Variants in MAML2 observed in about 807,000 individuals in gnomAD.
The protein encoded by MAML2 is mastermind-like protein 2.
A neutral mutation model predicts 96.1 loss-of-function variants in MAML2; 22 were observed. The ratio of observed to expected loss-of-function variants is 0.23; its 90% CI spans 0.16 to 0.33. The LOEUF is 0.33. Ranked by LOEUF, MAML2 falls within the 10% of genes least tolerant of loss-of-function variation. MAML2 has a pLI of 1.00. For missense variants in MAML2, 1,367 were observed against 1,392.4 expected, an observed-to-expected ratio of 0.98 and a Z score of 0.29; for synonymous variants, 561 against 521.3, an observed-to-expected ratio of 1.08 and a Z score of -1.04.
chr11:96,049,743 A>C (rs149360290), intron 2 of MAML2, among the ~76,000 whole-genome samples: 141 of 152,348 alleles, frequency 9.3e-4, no homozygotes, highest in African/African-American at 3.1e-3. Context: ...AGAAACTACT[A>C]TTATCATCCA....
intron 2 of MAML2, among the ~76,000 whole-genome samples, chr11:96,034,239 A>G (rs1451884523): frequency 6.6e-6 from 1 of 152,230 alleles, no homozygotes; most frequent in Non-Finnish European, 1.5e-5. Context: ...TCTCATAAAG[A>G]TATATAATAA....
intron 1 of MAML2, among the ~76,000 whole-genome samples, chr11:96,323,398 A>G (rs1863733943): frequency 6.6e-6 from 1 of 151,750 alleles, no homozygotes; most frequent in African/African-American, 2.4e-5. Context: ...TAGAATTTCC[A>G]TGTAAGAGGT....
chr11:96,274,336 C>T lies in MAML2; in HGVS notation c.513+67047G>A, dbSNP rs1862957849. ...TGACCTTGTGATCGGCCCACCTCGG[C>T]CTTCCAAAGTACTGGGAATACAGGC... On this transcript the variant is annotated intron_variant, in intron 1 of 4. Transcript: ENST00000524717. Among the ~76,000 whole-genome samples the T allele has an allele frequency of 1.3e-5, 2 of 152,112 alleles. 1 individual carries two copies. The highest frequency in any genetic ancestry group is 4.1e-4 in the South Asian group (2 of 4,830).
intron 2 of MAML2, among the ~76,000 whole-genome samples, chr11:96,033,940 C>G (rs558797879): frequency 2.6e-5 from 4 of 152,158 alleles, no homozygotes; most frequent in Non-Finnish European, 5.9e-5. Flanking sequence ...ATGAAGGCTT[C>G]ATTTGTTAGG....
Position 96,342,055 on chromosome 11 carries a change from G to C in MAML2, c.-160C>G, listed in dbSNP as rs1450180079. 3.1e-6 allele frequency: 2 copies of C among 652,862 alleles called. No homozygotes were observed. Among genetic ancestry groups the C allele is most frequent in the African/African-American group, 3.6e-5 (2 of 55,020 alleles). The allele number at this position is 652,862 out of a possible 1,614,324, so 40.4% of individuals were successfully genotyped here. On this transcript the variant is annotated 5_prime_UTR_variant, in exon 1 of 5. Coordinates refer to ENST00000524717, the MANE Select transcript of MAML2 (RefSeq NM_032427.4). The stretch of plus-strand genomic sequence containing the variant: ...TGTGGGGGAGCCGTGGAGAAGTTGT[G>C]GGGGAGGGGAGTTAGTAAAAAGAGG...
intron 1 of MAML2, among the ~76,000 whole-genome samples, chr11:96,148,238 C>T (rs1487632846): frequency 6.6e-6 from 1 of 152,090 alleles, no homozygotes; most frequent in Non-Finnish European, 1.5e-5. Context: ...GTCTGCCTGT[C>T]TCCCGTGGAC....
chr11:96,039,038 C>T lies in MAML2; in HGVS notation c.2140-47315G>A, dbSNP rs117695755. Among the ~76,000 whole-genome samples the T allele has an allele frequency of 3.9e-3, 594 of 152,246 alleles. 1 individual carries two copies. Among genetic ancestry groups the T allele is most frequent in the Non-Finnish European group, 6.8e-3 (462 of 68,016 alleles). The stretch of plus-strand genomic sequence containing the variant: ...CTTTGGCAGGCCAAGTTCACTTGAG[C>T]CCAGGAGTTTGAGACCAGCTTAGGC... On this transcript the variant is annotated intron_variant, in intron 2 of 4. Coordinates refer to ENST00000524717, the MANE Select transcript of MAML2 (RefSeq NM_032427.4).
chr11:96,067,868 T>C (rs1219679715), intron 2 of MAML2, among the ~76,000 whole-genome samples: 3 of 152,246 alleles, frequency 2.0e-5, no homozygotes, highest in Non-Finnish European at 4.4e-5. Context: ...TTCAAATTGC[T>C]GATTTAAAGG....
chr11:96,078,323 T>C (rs1457963240), intron 2 of MAML2, among the ~76,000 whole-genome samples: 1 of 152,238 alleles, frequency 6.6e-6, no homozygotes, highest in Non-Finnish European at 1.5e-5. Context: ...TCATGGATAG[T>C]ACACTGTGTT....
intron 1 of MAML2, among the ~76,000 whole-genome samples, chr11:96,113,975 C>G (rs1301415366): frequency 1.3e-5 from 2 of 151,966 alleles, no homozygotes; most frequent in African/African-American, 4.8e-5. Flanking sequence ...TTTGATGAAG[C>G]CCCGCTCTAG....
At chr11:96,000,317 G>A (rs1858061448) in intron 2 of MAML2, among the ~76,000 whole-genome samples, 1 of 152,180 alleles carries the variant, frequency 6.6e-6, no homozygotes, top group African/African-American at 2.4e-5. Context: ...GCCTAATCCA[G>A]CCTGCCACCG....
intron 1 of MAML2, among the ~76,000 whole-genome samples, chr11:96,098,494 T>C (rs1859870746): frequency 6.6e-6 from 1 of 152,236 alleles, no homozygotes; most frequent in Non-Finnish European, 1.5e-5. Flanking sequence ...GTGCATTTAA[T>C]ATCACCCTTT....
chr11:96,181,373 T>C (rs1014493121), intron 1 of MAML2, among the ~76,000 whole-genome samples: 1 of 151,956 alleles, frequency 6.6e-6, no homozygotes, highest in Non-Finnish European at 1.5e-5. Context: ...GAGAGGATAA[T>C]TGGGAGTTGG....
At chr11:96,283,119 A>G (rs1401396332) in intron 1 of MAML2, among the ~76,000 whole-genome samples, 2 of 152,204 alleles carry the variant, frequency 1.3e-5, no homozygotes, top group East Asian at 1.9e-4. Context: ...ACTTTTGATC[A>G]CTTATAAAAT....
intron 1 of MAML2, among the ~76,000 whole-genome samples, chr11:96,254,880 C>T (rs1432028230): frequency 1.3e-5 from 2 of 152,096 alleles, no homozygotes; most frequent in African/African-American, 2.4e-5. Flanking sequence ...GAGTGCATGG[C>T]GCAATCACAG....
At chr11:95,992,908 T>C (rs1295129503) in intron 2 of MAML2, among the ~76,000 whole-genome samples, 5 of 150,146 alleles carry the variant, frequency 3.3e-5, no homozygotes, top group Non-Finnish European at 7.4e-5. Context: ...AGAGACAGAG[T>C]CTCACTCTAT....
chr11:96,102,901 C>T (rs1467235373), intron 1 of MAML2, among the ~76,000 whole-genome samples: 1 of 152,212 alleles, frequency 6.6e-6, no homozygotes, highest in Non-Finnish European at 1.5e-5. Flanking sequence ...CAAAATATAT[C>T]GAAGCAAATC....
At chr11:96,024,137 C>G (rs1479397947) in intron 2 of MAML2, among the ~76,000 whole-genome samples, 1 of 152,142 alleles carries the variant, frequency 6.6e-6, no homozygotes, top group Non-Finnish European at 1.5e-5. Flanking sequence ...AGGGGAAGAT[C>G]TATTTTTTAA....
At chr11:96,184,902 GT>G (rs1481811250) in intron 1 of MAML2, among the ~76,000 whole-genome samples, 1 of 152,104 alleles carries the variant, frequency 6.6e-6, no homozygotes, top group Non-Finnish European at 1.5e-5. Context: ...CCCAAAAAAT[GT>G]TTTTTAAATT....
Sources: gnomAD v4.1 joint callset for allele counts (sites outside exome capture counted in the v4.1 genomes callset) on GRCh38, gnomAD v4.1.1 for gene constraint, MANE v1.5 for transcripts, NCBI Gene and HGNC (gene_info 2026-07-23, HGNC 2026-07-21) for gene names.